The following PLEKHA7 variants were observed in gnomAD, a reference collection of about 807,000 sequenced individuals.
The protein encoded by PLEKHA7 is pleckstrin homology domain-containing family A member 7.
Under a neutral mutation model 170.0 loss-of-function variants are expected in PLEKHA7, and 104 were observed. The observed-to-expected ratio is 0.61, with a 90% CI of 0.52 to 0.72. PLEKHA7 has a LOEUF of 0.72. PLEKHA7 is among the 30% of genes least tolerant of loss of function. The probability of loss-of-function intolerance (pLI) is 0.00; values close to 1 mark genes in which losing one functional copy is unlikely to be tolerated. For missense variants in PLEKHA7, 1,615 were observed against 1,671.7 expected, an observed-to-expected ratio of 0.97 and a Z score of 0.59; for synonymous variants, 648 against 660.8, an observed-to-expected ratio of 0.98 and a Z score of 0.30.
chr11:16,803,283 C>T lies in PLEKHA7; in HGVS notation c.2020G>A (p.Asp674Asn), dbSNP rs771969843. The T allele has an allele frequency of 6.2e-7, 1 of 1,613,624 alleles. No individual in the cohort carries two copies. Among genetic ancestry groups the T allele is most frequent in the South Asian group, 1.1e-5 (1 of 91,070 alleles). The change falls in exon 14 of 27, where the codon GAC (aspartate) becomes AAC (asparagine). Residue 674 changes from aspartate (D) to asparagine (N), a missense_variant. Transcript: ENST00000531066. Reference protein sequence around the residue: ...EYLDLKMTGRDLLKDRSLKPV... With the variant: ...EYLDLKMTGRNLLKDRSLKPV... ...TTCAGACTTCGATCCTTGAGAAGGT[C>T]CCGGCCTGTCATCTGGGAGGCGAAC...
chr11:16,962,836 C>A (rs933674115), intron 3 of PLEKHA7, among the ~76,000 whole-genome samples: 1 of 152,200 alleles, frequency 6.6e-6, no homozygotes. Context: ...GTACCCACAT[C>A]TCCCAGAAGC....
At chr11:17,001,563 T>C (rs1159011869) in intron 3 of PLEKHA7, among the ~76,000 whole-genome samples, 1 of 152,138 alleles carries the variant, frequency 6.6e-6, no homozygotes, top group Non-Finnish European at 1.5e-5. Context: ...GCCAGTGGCC[T>C]TGGTACAGGG....
chr11:16,793,826 G>A (rs954814446), intron 19 of PLEKHA7, among the ~76,000 whole-genome samples: 3 of 152,256 alleles, frequency 2.0e-5, no homozygotes, highest in Non-Finnish European at 2.9e-5. Flanking sequence ...GCCACAGACC[G>A]GATCTGGGAC....
intron 3 of PLEKHA7, among the ~76,000 whole-genome samples, chr11:16,960,316 C>T (rs1861975643): frequency 6.6e-6 from 1 of 152,194 alleles, no homozygotes; most frequent in Non-Finnish European, 1.5e-5. Context: ...GCCTGGCACC[C>T]AGAGCAGGAG....
chr11:16,811,247 T>C (rs1271558884), intron 13 of PLEKHA7, among the ~76,000 whole-genome samples: 7 of 152,216 alleles, frequency 4.6e-5, no homozygotes, highest in Non-Finnish European at 1.5e-5. Flanking sequence ...CTTGCTCAGG[T>C]GCATTTAGTT....
rs553293909 is a variant in PLEKHA7, at chr11:17,005,306, C to T, written c.221+8683G>A. On this transcript the variant is annotated intron_variant, in intron 3 of 26. Coordinates refer to ENST00000531066, the MANE Select transcript of PLEKHA7 (RefSeq NM_001329630.2). ...AGCACTTCCAGGAGGCCAAGGTGGG[C>T]AGATTACTTGAGGTCAGGAGTTTGA... 5.3e-5 allele frequency among the ~76,000 whole-genome samples: 7 copies of T among 131,650 alleles called. No homozygotes were observed. In the South Asian group the frequency reaches 8.9e-4, roughly 17 times the overall value. The allele number at this position is 131,650 out of a possible 152,430, so 86.4% of individuals were successfully genotyped here.
chr11:16,799,516 T>C (rs1285392463), intron 17 of PLEKHA7, among the ~76,000 whole-genome samples: 2 of 151,958 alleles, frequency 1.3e-5, no homozygotes, highest in East Asian at 1.9e-4. Flanking sequence ...ATTTGTGTAA[T>C]TACAGGAACA....
chr11:16,794,699 G>A lies in PLEKHA7; in HGVS notation c.2534C>T (p.Pro845Leu). 1 of 1,613,920 alleles carries A rather than the reference G, an allele frequency of 6.2e-7. No individual in the cohort carries two copies. The highest frequency in any genetic ancestry group is 8.5e-7 in the Non-Finnish European group (1 of 1,179,954). Residue 845 changes from proline to leucine, a missense_variant, in exon 19 of 27, where the codon CCT becomes CTT. Coordinates refer to ENST00000531066, the MANE Select transcript of PLEKHA7 (RefSeq NM_001329630.2). ...SVKNPERKTV[P>L]LFPHPPVPSL... Reference sequence around the variant, plus strand: ...AGGCACAGGCGGGTGAGGAAACAAAGGCACCGTTTTTCTCTCTAAGGGGCA... The same window carrying A: ...AGGCACAGGCGGGTGAGGAAACAAAAGCACCGTTTTTCTCTCTAAGGGGCA...
At chr11:16,823,586 A>T (rs1399598055) in intron 10 of PLEKHA7, among the ~76,000 whole-genome samples, 3 of 152,178 alleles carry the variant, frequency 2.0e-5, no homozygotes, top group Non-Finnish European at 4.4e-5. Context: ...TTCCTCGCCA[A>T]GCTCATGTCT....
intron 3 of PLEKHA7, among the ~76,000 whole-genome samples, chr11:16,877,708 T>A (rs1274025698): frequency 1.3e-5 from 2 of 152,196 alleles, no homozygotes; most frequent in Non-Finnish European, 2.9e-5. Flanking sequence ...GATATCAACA[T>A]AACACTAATC....
chr11:17,001,573 G>A (rs1181490761), intron 3 of PLEKHA7, among the ~76,000 whole-genome samples: 4 of 152,142 alleles, frequency 2.6e-5, no homozygotes, highest in Non-Finnish European at 5.9e-5. Flanking sequence ...TTGGTACAGG[G>A]CTGGAATGGG....
intron 3 of PLEKHA7, among the ~76,000 whole-genome samples, chr11:16,983,483 T>C (rs1378017144): frequency 1.3e-5 from 2 of 152,030 alleles, no homozygotes; most frequent in African/African-American, 2.4e-5. Flanking sequence ...GGAGGGCAGC[T>C]CTGGGGTACA....
chr11:16,826,161 C>T lies in PLEKHA7; in HGVS notation c.1302G>A (p.Gln434=), dbSNP rs1404302448. 1.2e-6 allele frequency: 2 copies of T among 1,614,234 alleles called. No individual in the cohort carries two copies. Among genetic ancestry groups the T allele is most frequent in the East Asian group, 2.2e-5 (1 of 44,882 alleles). The stretch of plus-strand genomic sequence containing the variant: ...TCTGGGCCCTTGCCCAGTGCTCCAC[C>T]TGGGCCAGATTGCTCTTCCTTTGGC... The part of the protein sequence containing the change: ...KHSQRKSNLA[Q]VEHWARAQKG... Residue 434 remains glutamine (Q), a synonymous_variant, in exon 10 of 27, where the codon CAG becomes CAA. Transcript: ENST00000531066.
intron 3 of PLEKHA7, among the ~76,000 whole-genome samples, chr11:16,906,351 C>A (rs1422050416): frequency 7.1e-6 from 1 of 140,502 alleles, no homozygotes; most frequent in Non-Finnish European, 1.5e-5. Context: ...TCTCTTTCCA[C>A]GGTCTCCCCC....
At chr11:16,941,470 C>T (rs1225403281) in intron 3 of PLEKHA7, among the ~76,000 whole-genome samples, 1 of 152,180 alleles carries the variant, frequency 6.6e-6, no homozygotes, top group African/African-American at 2.4e-5. Context: ...TTCAATTTCC[C>T]CTTCTGCCAG....
chr11:16,925,882 T>C (rs1167936560), intron 3 of PLEKHA7, among the ~76,000 whole-genome samples: 2 of 152,112 alleles, frequency 1.3e-5, no homozygotes, highest in Admixed American at 6.5e-5. Context: ...TCGTAGAGGA[T>C]GCTGCAAGTG....
chr11:16,809,051 G>A (rs1166194443), intron 13 of PLEKHA7, among the ~76,000 whole-genome samples: 1 of 152,190 alleles, frequency 6.6e-6, no homozygotes, highest in Non-Finnish European at 1.5e-5. Flanking sequence ...TGAACATCAA[G>A]TGCCCAAATA....
chr11:16,965,647 G>A (rs1252992437), intron 3 of PLEKHA7, among the ~76,000 whole-genome samples: 1 of 152,212 alleles, frequency 6.6e-6, no homozygotes, highest in Non-Finnish European at 1.5e-5. Context: ...AGGGAGGTCT[G>A]TATCCGAGAA....
chr11:16,790,943 C>A, intron 20 of PLEKHA7, 28 bp from the exon 21 acceptor site: 1 of 1,613,842 alleles, frequency 6.2e-7, no homozygotes, highest in Non-Finnish European at 8.5e-7. Flanking sequence ...GGTGATGTGA[C>A]CTGCCAGTGT....
Sources: allele counts gnomAD v4.1 joint callset (sites outside exome capture counted in the v4.1 genomes callset), GRCh38; gene constraint gnomAD v4.1.1; transcripts MANE v1.5; gene names NCBI Gene and HGNC (gene_info 2026-07-23, HGNC 2026-07-21).